SSH2: variants seen among roughly 807,000 people sequenced by gnomAD.
The protein encoded by SSH2 is slingshot protein phosphatase 2, also known as protein phosphatase Slingshot homolog 2.
A neutral mutation model predicts 135.2 loss-of-function variants in SSH2; 37 were observed. The observed-to-expected ratio is 0.27, with a 90% CI of 0.21 to 0.36. The LOEUF is 0.36. Among genes scored for constraint, SSH2 ranks in the 10% least tolerant of loss-of-function variants. SSH2 has a pLI of 1.00. For missense variants in SSH2, 1,408 were observed against 1,765.3 expected, an observed-to-expected ratio of 0.80 and a Z score of 3.63; for synonymous variants, 628 against 646.2, an observed-to-expected ratio of 0.97 and a Z score of 0.43.
chr17:29,865,713 G>A (rs1199221120), intron 1 of SSH2, among the ~76,000 whole-genome samples: 4 of 152,128 alleles, frequency 2.6e-5, no homozygotes, highest in Admixed American at 1.3e-4. Context: ...AATAGCAATG[G>A]AACCTGAAAC....
intron 1 of SSH2, among the ~76,000 whole-genome samples, chr17:29,887,724 T>C (rs1288499216): frequency 6.6e-6 from 1 of 152,258 alleles, no homozygotes; most frequent in Non-Finnish European, 1.5e-5. Flanking sequence ...CTGGTCATCA[T>C]AGTAGAGGGA....
At position 29,722,972 on chromosome 17, in the gene SSH2, A is replaced by G. The variant is rs867730473; in HGVS notation, c.189-19910T>C. Among the ~76,000 whole-genome samples the G allele has an allele frequency of 2.0e-5, 3 of 152,350 alleles. 1 individual carries two copies. In the Middle Eastern group the frequency reaches 0.01, roughly 518 times the overall value. On this transcript the variant is annotated intron_variant, in intron 3 of 15. Coordinates refer to ENST00000540801, the MANE Select transcript of SSH2 (RefSeq NM_001282129.2). ...ATTTCTTAGATTAAGTTCCTCATTT[A>G]TGAGCTACCCCTCTTCCCAAAATGC...
At chr17:29,717,747 G>T (rs890884593) in intron 3 of SSH2, among the ~76,000 whole-genome samples, 1 of 152,148 alleles carries the variant, frequency 6.6e-6, no homozygotes, top group Non-Finnish European at 1.5e-5. Context: ...TAAAGGCAGT[G>T]GGGGGAGCTA....
At chr17:29,715,543 C>T (rs551204138) in intron 3 of SSH2, among the ~76,000 whole-genome samples, 65 of 152,246 alleles carry the variant, frequency 4.3e-4, no homozygotes, top group African/African-American at 1.5e-3. Flanking sequence ...CTGCACCTAG[C>T]CTCCATGTCC....
intron 2 of SSH2, among the ~76,000 whole-genome samples, chr17:29,832,533 C>T (rs2321494): frequency 0.015 from 2,257 of 152,294 alleles, 32 homozygotes; most frequent in Non-Finnish European, 0.022. Context: ...GCTTCATTGA[C>T]CTGCTGGTCA....
chr17:29,859,536 A>G (rs749107206), intron 1 of SSH2, among the ~76,000 whole-genome samples: 2 of 152,146 alleles, frequency 1.3e-5, no homozygotes, highest in Non-Finnish European at 2.9e-5. Context: ...TTATAAGAAC[A>G]TGCGGTATTT....
chr17:29,812,983 A>G (rs2042473008), intron 2 of SSH2, among the ~76,000 whole-genome samples: 1 of 152,220 alleles, frequency 6.6e-6, no homozygotes, highest in Admixed American at 6.5e-5. Context: ...AATAAAAATA[A>G]AAAACAAAAT....
rs1243678807 is a variant in SSH2 at position 29,626,958 on chromosome 17, C to T, written c.*3883G>A. 1.3e-5 allele frequency: 2 copies of T among 152,260 alleles called. No homozygotes were observed. Among genetic ancestry groups the T allele is most frequent in the African/African-American group, 4.8e-5 (2 of 41,438 alleles). The allele number at this position is 152,260 out of a possible 1,614,324, so 9.4% of individuals were successfully genotyped here. A position where few individuals can be genotyped will look rare whatever the true frequency, so the allele number is the denominator to read the frequency against. On this transcript the variant is annotated 3_prime_UTR_variant, in exon 16 of 16. Transcript: ENST00000540801. ...ACTAGCCATTCACCATTACAACCAT[C>T]ACTATAAGACACACCATCACTGAGG... is the stretch of plus-strand genomic sequence containing the variant.
intron 3 of SSH2, among the ~76,000 whole-genome samples, chr17:29,708,090 G>C (rs537831551): frequency 6.6e-6 from 1 of 152,148 alleles, no homozygotes; most frequent in South Asian, 2.1e-4. Context: ...CCAGAGTTTA[G>C]GTAGATAAAA....
At chr17:29,875,957 C>A (rs2066020761) in intron 1 of SSH2, among the ~76,000 whole-genome samples, 1 of 130,036 alleles carries the variant, frequency 7.7e-6, no homozygotes, top group Non-Finnish European at 1.6e-5. Flanking sequence ...CTATAAACCA[C>A]TGATGAAAAA....
At chr17:29,642,418 G>A (rs112620461) in intron 14 of SSH2, among the ~76,000 whole-genome samples, 3 of 151,868 alleles carry the variant, frequency 2.0e-5, no homozygotes, top group Non-Finnish European at 4.4e-5. Context: ...ACAGACACAC[G>A]GTCCAACTTG....
intron 3 of SSH2, among the ~76,000 whole-genome samples, chr17:29,768,167 A>G (rs1567962061): frequency 6.6e-6 from 1 of 152,136 alleles, no homozygotes; most frequent in Non-Finnish European, 1.5e-5. Flanking sequence ...TATATATATT[A>G]GAAAAGTAAA....
intron 2 of SSH2, among the ~76,000 whole-genome samples, chr17:29,837,197 C>A (rs2042956588): frequency 6.6e-6 from 1 of 150,684 alleles, no homozygotes; most frequent in African/African-American, 2.4e-5. Context: ...GCAGAGGTTG[C>A]AGTGAGCCAA....
At chr17:29,721,273 G>A (rs2151167227) in intron 3 of SSH2, among the ~76,000 whole-genome samples, 1 of 152,154 alleles carries the variant, frequency 6.6e-6, no homozygotes, top group Non-Finnish European at 1.5e-5. Context: ...AAATGTATCA[G>A]AGAAAAGAAG....
chr17:29,886,582 AC>A (rs1217350948), intron 1 of SSH2, among the ~76,000 whole-genome samples: 3 of 151,926 alleles, frequency 2.0e-5, no homozygotes, highest in Non-Finnish European at 4.4e-5. Context: ...CTCTGTCTCT[AC>A]TAAAAATACA....
chr17:29,755,756 G>A (rs1461414279), intron 3 of SSH2, among the ~76,000 whole-genome samples: 1 of 150,518 alleles, frequency 6.6e-6, no homozygotes, highest in Admixed American at 6.6e-5. Context: ...CCGCCTCCTG[G>A]GTTCACGCCA....
chr17:29,881,597 G>A (rs1405726497), intron 1 of SSH2, among the ~76,000 whole-genome samples: 3 of 151,928 alleles, frequency 2.0e-5, no homozygotes. Context: ...TGCCTCCCAC[G>A]TTCAAGCAAT....
chr17:29,891,900 T>C (rs959877433), intron 1 of SSH2, among the ~76,000 whole-genome samples: 10 of 152,182 alleles, frequency 6.6e-5, no homozygotes, highest in South Asian at 6.2e-4. Flanking sequence ...AAACCCATCT[T>C]CAAACTGAAG....
At chr17:29,698,445 A>T (rs1332198269) in intron 4 of SSH2, among the ~76,000 whole-genome samples, 3 of 152,152 alleles carry the variant, frequency 2.0e-5, no homozygotes, top group African/African-American at 7.2e-5. Flanking sequence ...AAGCTACCGG[A>T]GTTACAAGTT....
Sources: allele counts gnomAD v4.1 joint callset (sites outside exome capture counted in the v4.1 genomes callset), GRCh38; gene constraint gnomAD v4.1.1; transcripts MANE v1.5; gene names NCBI Gene and HGNC (gene_info 2026-07-23, HGNC 2026-07-21).